FRMD4B: variants seen among roughly 807,000 people sequenced by gnomAD.
FRMD4B encodes FERM domain-containing protein 4B.
Under a neutral mutation model 141.5 loss-of-function variants are expected in FRMD4B, and 74 were observed. The observed-to-expected ratio is 0.52, with a 90% CI of 0.43 to 0.63. The LOEUF is 0.63. FRMD4B is among the 30% of genes least tolerant of loss of function. The probability of loss-of-function intolerance (pLI) is 0.00; values close to 1 mark genes in which losing one functional copy is unlikely to be tolerated. For synonymous variants in FRMD4B, 506 were observed against 467.9 expected (o/e 1.08, Z -1.05); for missense variants, 1,366 against 1,253.4 (o/e 1.09, Z -1.36).
chr3:69,533,907 G>C (rs544832194), intron 1 of FRMD4B, among the ~76,000 whole-genome samples: 1 of 152,060 alleles, frequency 6.6e-6, no homozygotes, highest in Non-Finnish European at 1.5e-5. Context: ...ACATGATTAC[G>C]CATCTGGGAG....
In FRMD4B at chr3:69,425,611, A is replaced by T. The variant is rs79655193; in HGVS notation, c.-1+7023T>A. Among the ~76,000 whole-genome samples the T allele has an allele frequency of 9.3e-3, 1,418 of 152,348 alleles. 21 individuals carry two copies. The highest frequency in any genetic ancestry group is 0.032 in the African/African-American group (1,346 of 41,588). The stretch of plus-strand genomic sequence containing the variant: ...TTCGTGATGGCTTCAGCTGAAACAT[A>T]AAAGGGCTTTAAAAGATTAATAGTT... On this transcript the variant is annotated intron_variant, in intron 2 of 5. Coordinates refer to the FRMD4B transcript ENST00000459638.
chr3:69,262,320 A>G (rs2093532741), intron 5 of FRMD4B, among the ~76,000 whole-genome samples: 2 of 152,150 alleles, frequency 1.3e-5, no homozygotes, highest in Non-Finnish European at 1.5e-5. Flanking sequence ...CATAACATAC[A>G]TATACACTAT....
rs895206632 is a variant in FRMD4B, at chr3:69,452,383, A to G, written c.-128-19622T>C. On this transcript the variant is annotated intron_variant, in intron 1 of 5. Coordinates refer to the FRMD4B transcript ENST00000459638. ...GTGATTTGGAGCTGGTCAAAAGCGA[A>G]ATCTTTTCTTGCCACTTACCGAGTG... Among the ~76,000 whole-genome samples the G allele has an allele frequency of 1.2e-4, 19 of 152,330 alleles. 1 individual carries two copies. Among genetic ancestry groups the G allele is most frequent in the Non-Finnish European group, 8.8e-5 (6 of 68,024 alleles).
rs1191706277 is a variant in FRMD4B, at chr3:69,210,657, A to G, written c.876+5606T>C. ...TTCCTTTAATTTGCGTCACACCTTC[A>G]GGCATGATGCTTAATGAATTAGGAG... On this transcript the variant is annotated intron_variant, in intron 11 of 22. Transcript: ENST00000398540. Among the ~76,000 whole-genome samples, 3 of 152,172 alleles carry G rather than the reference A, an allele frequency of 2.0e-5. No individual in the cohort carries two copies. The East Asian group carries it at 5.8e-4, about 29-fold the overall frequency.
At chr3:69,355,217 C>G (rs996829987) in intron 1 of FRMD4B, among the ~76,000 whole-genome samples, 1 of 152,090 alleles carries the variant, frequency 6.6e-6, no homozygotes, top group Non-Finnish European at 1.5e-5. Flanking sequence ...TAAAATTATC[C>G]TATCAAGAGG....
chr3:69,215,602 C>A (rs34233715), intron 11 of FRMD4B, among the ~76,000 whole-genome samples: 104,057 of 151,668 alleles, frequency 0.69, 37,511 homozygotes, highest in Non-Finnish European at 0.79. Flanking sequence ...GTGACCCTTT[C>A]ATAAATAGCA....
Position 69,196,365 on chromosome 3 carries a change from T to G in FRMD4B, c.1124A>C (p.Glu375Ala). ...AKIPSARSLD[E>A]IAMDLTETGT... ...TGTCTCTGTCAAATCCATTGCAATC[T>G]CATCTAAACTCCTGGCTGAAGGAAT... is the stretch of plus-strand genomic sequence containing the variant. Residue 375 changes from glutamate to alanine, a missense_variant, in exon 14 of 23, where the codon GAG becomes GCG. Physicochemically the swap from Glu to Ala is moderately radical, Grantham distance 107. Coordinates refer to ENST00000398540, the MANE Select transcript of FRMD4B (RefSeq NM_015123.3). 6.2e-7 allele frequency: 1 copy of G among 1,611,474 alleles called. No homozygotes were observed. The highest frequency in any genetic ancestry group is 1.1e-5 in the South Asian group (1 of 90,464).
chr3:69,331,520 G>C (rs1702369650), intron 1 of FRMD4B, among the ~76,000 whole-genome samples: 1 of 152,170 alleles, frequency 6.6e-6, no homozygotes, highest in Admixed American at 6.5e-5. Context: ...ACTTTTTAAA[G>C]TACAGTGTAT....
chr3:69,505,126 T>C (rs976851980), intron 1 of FRMD4B, among the ~76,000 whole-genome samples: 2 of 152,142 alleles, frequency 1.3e-5, no homozygotes, highest in Admixed American at 1.3e-4. Flanking sequence ...TCCCAGCATT[T>C]TGGGAGGCTG....
At chr3:69,370,268 G>A (rs1703788489) in intron 1 of FRMD4B, among the ~76,000 whole-genome samples, 1 of 152,128 alleles carries the variant, frequency 6.6e-6, no homozygotes, top group Non-Finnish European at 1.5e-5. Flanking sequence ...CAAACGGTCT[G>A]AAATGTCTGT....
exon 1 of FRMD4B, chr3:69,542,216 A>G (rs55638663): frequency 0.49 from 74,429 of 151,480 alleles, 18,943 homozygotes; most frequent in African/African-American, 0.6. Context: ...CTGCTCCGCC[A>G]CCTCCTCCCT....
At chr3:69,493,546 T>C (rs1478010805) in intron 1 of FRMD4B, among the ~76,000 whole-genome samples, 4 of 152,194 alleles carry the variant, frequency 2.6e-5, no homozygotes, top group Non-Finnish European at 5.9e-5. Context: ...TAAGGAAACA[T>C]TTTAAGGTCC....
At chr3:69,437,682 T>C (rs1705281776) in intron 1 of FRMD4B, among the ~76,000 whole-genome samples, 1 of 132,978 alleles carries the variant, frequency 7.5e-6, no homozygotes. Flanking sequence ...TATACTATAG[T>C]ATATATGTAG....
intron 5 of FRMD4B, among the ~76,000 whole-genome samples, chr3:69,285,267 A>C (rs1700638568): frequency 6.6e-6 from 1 of 152,192 alleles, no homozygotes; most frequent in Non-Finnish European, 1.5e-5. Context: ...AACTGAAGAC[A>C]AAGCAAGAGA....
intron 1 of FRMD4B, among the ~76,000 whole-genome samples, chr3:69,539,463 C>G (rs943402400): frequency 1.2e-4 from 18 of 152,146 alleles, no homozygotes; most frequent in South Asian, 4.2e-4. Context: ...GTTTGAAAAG[C>G]CCATTCACTT....
At chr3:69,244,902 A>G (rs1043680280) in intron 7 of FRMD4B, among the ~76,000 whole-genome samples, 21 of 152,182 alleles carry the variant, frequency 1.4e-4, no homozygotes, top group African/African-American at 3.1e-4. Flanking sequence ...TGTTCATCAC[A>G]GCATTATTTA....
At chr3:69,258,955 AG>A (rs2106837922) in intron 5 of FRMD4B, among the ~76,000 whole-genome samples, 1 of 152,320 alleles carries the variant, frequency 6.6e-6, no homozygotes, top group Non-Finnish European at 1.5e-5. Context: ...CCAGTTTTGT[AG>A]AAGACAATTT....
intron 22 of FRMD4B, among the ~76,000 whole-genome samples, chr3:69,173,910 G>A (rs146179494): frequency 4.6e-5 from 7 of 152,168 alleles, no homozygotes; most frequent in East Asian, 3.9e-4. Flanking sequence ...AGGCTGAGGC[G>A]GGTGGATCAT....
rs1475670204 is a variant in FRMD4B, at chr3:69,193,786, G to C, written c.1576C>G (p.Leu526Val). ...CGCTTTTTCTTCACAGTTTTACAAAGGTCTGGCTCATTGGCAAGTTTCTTT... is the reference window on the plus strand; with the variant it reads ...CGCTTTTTCTTCACAGTTTTACAAACGTCTGGCTCATTGGCAAGTTTCTTT... ...AAKKLANEPD[L>V]CKTVKKKRKQ... Residue 526 changes from leucine to valine, a missense_variant, in exon 17 of 23, where the codon CTT becomes GTT. Transcript: ENST00000398540. 2.5e-6 allele frequency: 4 copies of C among 1,613,508 alleles called. No individual in the cohort carries two copies. The African/African-American group carries it at 4.0e-5, about 16-fold the overall frequency.
Sources: gnomAD v4.1 joint callset for allele counts (sites outside exome capture counted in the v4.1 genomes callset) on GRCh38, gnomAD v4.1.1 for gene constraint, MANE v1.5 for transcripts, NCBI Gene and HGNC (gene_info 2026-07-23, HGNC 2026-07-21) for gene names.